Variants in CCP110 observed in about 807,000 individuals in gnomAD.
CCP110 encodes centriolar coiled-coil protein of 110 kDa.
In CCP110, 43 loss-of-function variants were observed where a neutral mutation model predicts 105.5. The ratio of observed to expected loss-of-function variants is 0.41; its 90% confidence interval spans 0.32 to 0.53. The LOEUF (loss-of-function observed/expected upper bound fraction) is 0.53, where lower values mean the gene tolerates loss of function less well. Ranked by LOEUF, CCP110 falls within the 20% of genes least tolerant of loss-of-function variation. CCP110 has a pLI of 0.32. For missense variants in CCP110, 1,016 were observed against 1,189.1 expected, an observed-to-expected ratio of 0.85 and a Z score of 2.14; for synonymous variants, 353 against 392.1, an observed-to-expected ratio of 0.90 and a Z score of 1.18.
chr16:19,542,499 G>A (rs899315922), intron 6 of CCP110, 122 bp from the exon 7 acceptor site: 8 of 683,278 alleles, frequency 1.2e-5, no homozygotes, highest in African/African-American at 9.0e-5. Context: ...TTTTAAGTCG[G>A]CAGGTAGGTC....
intron 2 of CCP110, among the ~76,000 whole-genome samples, chr16:19,529,895 A>C (rs1287106161): frequency 1.3e-5 from 2 of 152,154 alleles, no homozygotes; most frequent in African/African-American, 4.8e-5. Flanking sequence ...CGTCTTAAAA[A>C]CAGTTTTTTT....
exon 4 of CCP110, chr16:19,536,036 T>C (rs775640437): frequency 3.7e-6 from 6 of 1,613,988 alleles, no homozygotes; most frequent in Non-Finnish European, 5.1e-6. Flanking sequence ...TCCTGCTACA[T>C]TTCCAAATAG....
exon 15 of CCP110, chr16:19,551,399 G>C: frequency 1.4e-6 from 1 of 719,158 alleles, no homozygotes; most frequent in Middle Eastern, 2.4e-4. Flanking sequence ...TGGTCAGTTT[G>C]GTAATTCCTG....
Position 19,528,716 on chromosome 16 carries a change from T to G in CCP110, c.141+694T>G, listed in dbSNP as rs114163201. Among the ~76,000 whole-genome samples the G allele has an allele frequency of 3.5e-3, 528 of 152,266 alleles. 6 individuals carry two copies. Among genetic ancestry groups the G allele is most frequent in the African/African-American group, 0.01 (434 of 41,552 alleles). The stretch of plus-strand genomic sequence containing the variant: ...TTCAAGACTAGCCTGGTCAACATAG[T>G]GAGACCTCATCTCTATAAAAACATG... On this transcript the variant is annotated intron_variant, in intron 2 of 14. Transcript: ENST00000381396.
In CCP110 at chr16:19,536,633, A is replaced by G. The variant is rs1211781984; in HGVS notation, c.964A>G (p.Lys322Glu). Residue 322 changes from lysine (K) to glutamate (E), a missense_variant, in exon 4 of 15, where the codon AAA becomes GAA. Lys to Glu is a moderately conservative substitution (Grantham distance 56). Coordinates refer to ENST00000381396, the Ensembl canonical transcript of CCP110. Reference sequence around the variant, plus strand: ...TATGCCAGTTTTAGCTAGCTTTTCGAAAGTGGACATACCTATACGAACTGG... The same window carrying G: ...TATGCCAGTTTTAGCTAGCTTTTCGGAAGTGGACATACCTATACGAACTGG... 3.1e-6 allele frequency: 5 copies of G among 1,614,022 alleles called. No homozygotes were observed. Among genetic ancestry groups the G allele is most frequent in the Non-Finnish European group, 4.2e-6 (5 of 1,180,040 alleles).
exon 15 of CCP110, chr16:19,553,308 G>A (rs927620509): frequency 3.3e-5 from 5 of 152,002 alleles, no homozygotes; most frequent in African/African-American, 9.7e-5. Context: ...TACTTTGAGT[G>A]GAATGTTCAT....
At chr16:19,534,920 G>A (rs891105758) in intron 3 of CCP110, among the ~76,000 whole-genome samples, 2 of 130,324 alleles carry the variant, frequency 1.5e-5, no homozygotes, top group African/African-American at 3.0e-5. Context: ...GCGCTCTGTC[G>A]CCCAGGCCGG....
At chr16:19,549,276 C>T (rs1970557901) in intron 14 of CCP110, among the ~76,000 whole-genome samples, 1 of 152,200 alleles carries the variant, frequency 6.6e-6, no homozygotes, top group South Asian at 2.1e-4. Flanking sequence ...TTTAAAAATA[C>T]TTTCCAAATG....
intron 2 of CCP110, among the ~76,000 whole-genome samples, chr16:19,531,947 CAG>C (rs901783713): frequency 7.3e-6 from 1 of 136,794 alleles, no homozygotes; most frequent in African/African-American, 2.8e-5. Context: ...GCCTAGGTGA[CAG>C]AGCAAGACTC....
intron 5 of CCP110, among the ~76,000 whole-genome samples, chr16:19,541,167 G>T (rs144671312): frequency 0.018 from 2,663 of 151,810 alleles, 87 homozygotes; most frequent in African/African-American, 0.062. Flanking sequence ...TGGGAGGATT[G>T]CTTGAGCCCA....
rs531944701 is a variant in CCP110, at chr16:19,537,189, C to T, written c.1520C>T (p.Pro507Leu). The T allele has an allele frequency of 3.5e-5, 57 of 1,614,166 alleles. 1 individual carries two copies. In the South Asian group the frequency reaches 5.8e-4, roughly 16 times the overall value. ...GCTGCGATGCCAAAGCTGCATGAAC[C>T]ATATGCCAGCAGTCAGTGTATAGCA... The change falls in exon 4 of 15, where the codon CCA becomes CTA. Residue 507 changes from proline (P) to leucine (L), a missense_variant. Transcript: ENST00000381396.
intron 2 of CCP110, among the ~76,000 whole-genome samples, chr16:19,530,248 T>C (rs1490525383): frequency 1.3e-5 from 2 of 152,156 alleles, no homozygotes; most frequent in Non-Finnish European, 2.9e-5. Flanking sequence ...CCAGAGCTAT[T>C]GTCTTGTAGA....
At chr16:19,538,585 C>G (rs1312660397) in intron 4 of CCP110, among the ~76,000 whole-genome samples, 2 of 151,722 alleles carry the variant, frequency 1.3e-5, no homozygotes, top group Admixed American at 6.6e-5. Flanking sequence ...GCTGGAATTA[C>G]AGGCATGAGC....
chr16:19,545,385 T>G (rs1845192408), intron 10 of CCP110, among the ~76,000 whole-genome samples, 175 bp downstream of exon 10: 2 of 152,220 alleles, frequency 1.3e-5, no homozygotes, highest in Admixed American at 6.5e-5. Context: ...ATTACATCAT[T>G]TAAGAATTAC....
At chr16:19,525,318 C>CAG (rs34062560) in intron 1 of CCP110, 33,672 of 152,004 alleles carry the variant, frequency 0.22, 4,067 homozygotes, top group African/African-American at 0.31. Context: ...ATGGAGAAGA[C>CAG]GGCATGTCTG....
exon 6 of CCP110, chr16:19,542,031 G>C (rs1159835337): frequency 6.3e-7 from 1 of 1,591,080 alleles, no homozygotes. Context: ...GTCTCAAGCG[G>C]ACTCACTCCA....
intron 10 of CCP110, 47 bp downstream of exon 10, chr16:19,545,257 T>C (rs1286536412): frequency 9.6e-7 from 1 of 1,037,908 alleles, no homozygotes; most frequent in East Asian, 2.5e-5. Flanking sequence ...GGGTTTAGGG[T>C]AATTGATACT....
chr16:19,539,138 G>T (rs1003087218), intron 4 of CCP110, among the ~76,000 whole-genome samples: 13 of 151,274 alleles, frequency 8.6e-5, no homozygotes, highest in Non-Finnish European at 1.6e-4. Flanking sequence ...AATAATAAAG[G>T]TTCTTAATTA....
intron 14 of CCP110, among the ~76,000 whole-genome samples, 180 bp from the exon 14 acceptor site, chr16:19,551,016 A>C (rs1205169715): frequency 2.0e-5 from 3 of 152,324 alleles, no homozygotes; most frequent in East Asian, 3.9e-4. Flanking sequence ...CCTATGCCTC[A>C]GTTTTATTAT....
Sources: allele counts gnomAD v4.1 joint callset (sites outside exome capture counted in the v4.1 genomes callset), GRCh38; gene constraint gnomAD v4.1.1; transcripts MANE v1.5; gene names NCBI Gene and HGNC (gene_info 2026-07-23, HGNC 2026-07-21).